The following ZC3H12B variants were observed in gnomAD, a reference collection of about 807,000 sequenced individuals.
ZC3H12B encodes the protein probable ribonuclease ZC3H12B.
Under a neutral mutation model 43.9 loss-of-function variants are expected in ZC3H12B, and 7 were observed. That is an observed-to-expected ratio of 0.16 (90% CI 0.09 to 0.30). ZC3H12B has a LOEUF of 0.30. ZC3H12B is among the 10% of genes least tolerant of loss of function. ZC3H12B has a pLI of 1.00. For missense variants in ZC3H12B, 475 were observed against 670.2 expected, an observed-to-expected ratio of 0.71 and a Z score of 3.22; for synonymous variants, 222 against 241.7, an observed-to-expected ratio of 0.92 and a Z score of 0.76.
the ZC3H12B span, among the ~76,000 whole-genome samples, chrX:65,222,297 G>A: frequency 9.0e-6 from 1 of 110,895 alleles, no homozygotes; most frequent in Non-Finnish European, 1.9e-5. Flanking sequence ...AACAAGACAA[G>A]GATGTTCACT....
chrX:65,042,103 C>G, the ZC3H12B span, among the ~76,000 whole-genome samples: 3 of 112,293 alleles, frequency 2.7e-5, no homozygotes, highest in Non-Finnish European at 5.6e-5. Flanking sequence ...TGATAATTTG[C>G]CTCTATTGTG....
At chrX:65,132,684 A>G in the ZC3H12B span, among the ~76,000 whole-genome samples, 1 of 111,503 alleles carries the variant, frequency 9.0e-6, no homozygotes, top group Non-Finnish European at 1.9e-5. Context: ...ATGTTGTCCA[A>G]GTTCGCATCA....
intron 3 of ZC3H12B, chrX:65,469,424 G>A (rs1205347389): frequency 4.3e-6 from 2 of 461,136 alleles, no homozygotes; most frequent in Non-Finnish European, 8.0e-6. Flanking sequence ...TGTCGGGAAT[G>A]CCAGAGCTGC....
Position 65,440,402 on chromosome X carries a change from C to T in ZC3H12B, n.407+41698C>T, listed in dbSNP as rs748819652. ...GTGGAATGAACCATGTATGAAGAAT[C>T]AGAAATCACGTTAATAGGCATATCA... On this transcript the variant is annotated intron_variant and non_coding_transcript_variant, in intron 3 of 5. Coordinates refer to the ZC3H12B transcript ENST00000617377. Among the ~76,000 whole-genome samples the T allele has an allele frequency of 1.4e-3, 158 of 112,520 alleles. 1 individual carries two copies. The highest frequency in any genetic ancestry group is 5.0e-3 in the African/African-American group (156 of 31,059).
the ZC3H12B span, among the ~76,000 whole-genome samples, chrX:65,349,166 C>G: frequency 8.9e-6 from 1 of 111,962 alleles, no homozygotes; most frequent in East Asian, 2.8e-4. Flanking sequence ...TCATAACAGT[C>G]TCTCAGACCA....
chrX:65,329,857 G>T, the ZC3H12B span, among the ~76,000 whole-genome samples: 1 of 111,098 alleles, frequency 9.0e-6, no homozygotes. Context: ...TCAGATAGTT[G>T]TAGATATGTG....
At chrX:65,199,050 A>C in the ZC3H12B span, among the ~76,000 whole-genome samples, 3 of 109,805 alleles carry the variant, frequency 2.7e-5, no homozygotes, top group African/African-American at 9.9e-5. Context: ...GGCTGGTCTC[A>C]AACTTTTGGC....
intron 3 of ZC3H12B, among the ~76,000 whole-genome samples, chrX:65,482,270 T>G (rs12007859): frequency 0.24 from 25,868 of 109,033 alleles, 7,529 homozygotes; most frequent in African/African-American, 0.82. Context: ...TCGGGATGGG[T>G]ATAGGTAGCA....
chrX:65,309,036 G>A, the ZC3H12B span, among the ~76,000 whole-genome samples: 9 of 111,085 alleles, frequency 8.1e-5, no homozygotes, highest in South Asian at 2.2e-3. Flanking sequence ...AGAGAAAGCA[G>A]GAAAGATCTA....
At chrX:65,213,294 A>C in the ZC3H12B span, among the ~76,000 whole-genome samples, 1 of 109,592 alleles carries the variant, frequency 9.1e-6, no homozygotes, top group Non-Finnish European at 1.9e-5. Context: ...TTATTTATTC[A>C]CTCCTTTAGT....
At chrX:65,268,001 A>G in the ZC3H12B span, among the ~76,000 whole-genome samples, 7 of 110,788 alleles carry the variant, frequency 6.3e-5, no homozygotes, top group Admixed American at 3.8e-4. Flanking sequence ...TTGAAAAACT[A>G]AAATCGGAGG....
the ZC3H12B span, among the ~76,000 whole-genome samples, chrX:65,203,663 A>T: frequency 9.1e-6 from 1 of 109,886 alleles, no homozygotes; most frequent in Non-Finnish European, 1.9e-5. Context: ...AGGAAGGATT[A>T]CCTCCTGGAG....
chrX:65,453,714 G>A (rs749165775), intron 3 of ZC3H12B, among the ~76,000 whole-genome samples: 9 of 109,244 alleles, frequency 8.2e-5, no homozygotes, highest in Non-Finnish European at 3.8e-5. Context: ...AGGTGACAGA[G>A]TGAGACCATG....
chrX:65,132,674 A>T, the ZC3H12B span, among the ~76,000 whole-genome samples: 1 of 111,426 alleles, frequency 9.0e-6, no homozygotes, highest in African/African-American at 3.3e-5. Flanking sequence ...GCATAAAACA[A>T]TGTTGTCCAA....
chrX:65,107,375 C>T, the ZC3H12B span, among the ~76,000 whole-genome samples: 2 of 110,985 alleles, frequency 1.8e-5, no homozygotes, highest in Non-Finnish European at 3.8e-5. Context: ...AACAAAGAGG[C>T]TACCGAAAAA....
intron 2 of ZC3H12B, among the ~76,000 whole-genome samples, chrX:65,373,903 ATATAGTTATATATATAT>A (rs1569379611): frequency 6.0e-4 from 1 of 1,653 alleles, no homozygotes; most frequent in East Asian, 0.016. Context: ...TAATATATAT[ATATAGTTATATATATAT>A]ACTATATATA....
At chrX:65,270,342 G>A in the ZC3H12B span, among the ~76,000 whole-genome samples, 1 of 111,651 alleles carries the variant, frequency 9.0e-6, no homozygotes, top group African/African-American at 3.2e-5. Context: ...GCAAAAGCAA[G>A]AAATTGGGCC....
At chrX:65,164,989 G>A in the ZC3H12B span, among the ~76,000 whole-genome samples, 2 of 111,779 alleles carry the variant, frequency 1.8e-5, no homozygotes, top group Non-Finnish European at 3.8e-5. Context: ...GTTGGGGAGG[G>A]AGATGAGAAA....
At chrX:65,489,312 A>G in exon 1 of ZC3H12B, 4 of 1,211,797 alleles carry the variant, frequency 3.3e-6, no homozygotes, top group Non-Finnish European at 4.5e-6. Flanking sequence ...GCCCAGCTCC[A>G]GAGAGATTGC....
Sources: allele counts gnomAD v4.1 joint callset (sites outside exome capture counted in the v4.1 genomes callset), GRCh38; gene constraint gnomAD v4.1.1; transcripts MANE v1.5; gene names NCBI Gene and HGNC (gene_info 2026-07-23, HGNC 2026-07-21).